The following CPPED1 variants were observed in gnomAD, a reference collection of about 807,000 sequenced individuals.
The protein encoded by CPPED1 is calcineurin like phosphoesterase domain containing 1.
Under a neutral mutation model 28.0 loss-of-function variants are expected in CPPED1, and 28 were observed. That is an observed-to-expected ratio of 1.00 (90% CI 0.74 to 1.37). CPPED1 has a LOEUF of 1.37. Ranked by LOEUF, CPPED1 falls within the 40% of genes most tolerant of loss-of-function variation. The pLI, the probability that CPPED1 is intolerant of heterozygous loss-of-function variation, is 0.00. For missense variants in CPPED1, 504 were observed against 416.5 expected, an observed-to-expected ratio of 1.21 and a Z score of -1.83; for synonymous variants, 198 against 180.2, an observed-to-expected ratio of 1.10 and a Z score of -0.79.
chr16:12,671,797 C>T (rs1032572448), intron 3 of CPPED1, among the ~76,000 whole-genome samples: 5 of 152,116 alleles, frequency 3.3e-5, no homozygotes, highest in Admixed American at 6.5e-5. Context: ...CAATGATGGA[C>T]GCCATATATG....
intron 2 of CPPED1, among the ~76,000 whole-genome samples, chr16:12,751,320 T>C (rs1278851098): frequency 2.0e-5 from 3 of 152,130 alleles, no homozygotes; most frequent in South Asian, 2.1e-4. Flanking sequence ...ACACAAATGA[T>C]AGGAAAGTGA....
At chr16:12,737,173 G>C (rs1201773789) in intron 2 of CPPED1, among the ~76,000 whole-genome samples, 1 of 152,100 alleles carries the variant, frequency 6.6e-6, no homozygotes, top group Non-Finnish European at 1.5e-5. Context: ...CTGGGCGAGA[G>C]AGTGAGACCA....
intron 3 of CPPED1, among the ~76,000 whole-genome samples, chr16:12,676,546 A>ACATTGGCCTT (rs2079878682): frequency 6.6e-6 from 1 of 152,160 alleles, no homozygotes; most frequent in South Asian, 2.1e-4. Context: ...GGATTCACAT[A>ACATTGGCCTT]GCTAAGATGT....
chr16:12,726,038 G>GA (rs1356588695), intron 2 of CPPED1, among the ~76,000 whole-genome samples: 1 of 150,752 alleles, frequency 6.6e-6, no homozygotes. Context: ...CTCTAAAAAA[G>GA]AAAAAATCAT....
rs202024707 is a variant in CPPED1, at chr16:12,781,210, G to A, written c.264C>T (p.Cys88=). 460 of 1,613,428 alleles carry A rather than the reference G, an allele frequency of 2.9e-4. No homozygotes were observed. Among genetic ancestry groups the A allele is most frequent in the Non-Finnish European group, 3.5e-4 (417 of 1,179,698 alleles). The change falls in exon 2 of 4, where the codon TGC becomes TGT. Residue 88 remains cysteine, a synonymous_variant. Coordinates refer to ENST00000381774, the MANE Select transcript of CPPED1 (RefSeq NM_018340.3). The stretch of plus-strand genomic sequence containing the variant: ...CTGGCATGGCGTGGATGAGGTCGCC[G>A]CACAGAACGAAGAATTTGGGTTTGG... The part of the protein sequence containing the change: ...LNPKPKFFVL[C]GDLIHAMPGK...
chr16:12,757,579 G>A (rs1486028710), intron 2 of CPPED1: 6 of 147,240 alleles, frequency 4.1e-5, no homozygotes, highest in African/African-American at 1.3e-4. Flanking sequence ...AGGGAAGACT[G>A]CTAAGTAATG....
chr16:12,741,841 A>C (rs1324478952), intron 2 of CPPED1, among the ~76,000 whole-genome samples: 1 of 152,160 alleles, frequency 6.6e-6, no homozygotes, highest in Non-Finnish European at 1.5e-5. Flanking sequence ...ACTTGAGGTC[A>C]GGAGTTCGAA....
chr16:12,762,831 C>T (rs759013583), intron 2 of CPPED1, among the ~76,000 whole-genome samples: 4 of 152,104 alleles, frequency 2.6e-5, no homozygotes, highest in Non-Finnish European at 5.9e-5. Flanking sequence ...GCAACCTCTG[C>T]CTCCTGGACT....
chr16:12,684,801 G>A (rs143501133), intron 3 of CPPED1, among the ~76,000 whole-genome samples: 6 of 152,290 alleles, frequency 3.9e-5, no homozygotes, highest in African/African-American at 1.2e-4. Context: ...GAGAGCGGCC[G>A]CTCTGTGACT....
At position 12,744,059 on chromosome 16, in the gene CPPED1, G is replaced by A. The variant is rs1018910244; in HGVS notation, c.289+37126C>T. Among the ~76,000 whole-genome samples, 7 of 152,096 alleles carry A rather than the reference G, an allele frequency of 4.6e-5. 1 individual carries two copies. The highest frequency in any genetic ancestry group is 2.1e-4 in the South Asian group (1 of 4,808). Reference sequence around the variant, plus strand: ...TGGGAGGCTGAGGCGGGTGGATCACGAGGTCAGGAGATTGAGACCATCCTG... The same window carrying A: ...TGGGAGGCTGAGGCGGGTGGATCACAAGGTCAGGAGATTGAGACCATCCTG... On this transcript the variant is annotated intron_variant, in intron 2 of 3. Transcript: ENST00000381774.
intron 2 of CPPED1, among the ~76,000 whole-genome samples, chr16:12,775,714 C>A (rs1342795361): frequency 1.3e-5 from 2 of 152,188 alleles, no homozygotes; most frequent in African/African-American, 4.8e-5. Flanking sequence ...TCTGACCAGC[C>A]AGGCTGCAAA....
In CPPED1 at chr16:12,744,002, C is replaced by T. The variant is rs138231618; in HGVS notation, c.289+37183G>A. On this transcript the variant is annotated intron_variant, in intron 2 of 3. Coordinates refer to ENST00000381774, the MANE Select transcript of CPPED1 (RefSeq NM_018340.3). ...AGAAAGAAAGAAAGATGTGGCTGGGCGTGGTGGCTCACACCTGTAATCTCA... is the reference window on the plus strand; with the variant it reads ...AGAAAGAAAGAAAGATGTGGCTGGGTGTGGTGGCTCACACCTGTAATCTCA... Among the ~76,000 whole-genome samples the T allele has an allele frequency of 2.1e-3, 318 of 151,868 alleles. 9 individuals are homozygous for T. The East Asian group carries it at 0.031, about 15-fold the overall frequency.
chr16:12,672,706 C>CAGTA (rs1484849102), intron 3 of CPPED1, among the ~76,000 whole-genome samples: 1 of 152,102 alleles, frequency 6.6e-6, no homozygotes, highest in African/African-American at 2.4e-5. Context: ...TCTCTTATTA[C>CAGTA]AGTAGTGTAA....
intron 3 of CPPED1, among the ~76,000 whole-genome samples, chr16:12,665,394 G>T (rs145311680): frequency 3.1e-4 from 47 of 152,254 alleles, no homozygotes; most frequent in African/African-American, 1.1e-3. Flanking sequence ...GAAAATGAGA[G>T]AAGGAAGATG....
At chr16:12,701,927 C>G (rs574240675) in intron 3 of CPPED1, among the ~76,000 whole-genome samples, 2 of 152,178 alleles carry the variant, frequency 1.3e-5, no homozygotes, top group African/African-American at 4.8e-5. Flanking sequence ...AGGCAGCTAA[C>G]CCCCCTGTTT....
chr16:12,780,255 C>T (rs1365960562), intron 2 of CPPED1, among the ~76,000 whole-genome samples: 2 of 152,140 alleles, frequency 1.3e-5, no homozygotes, highest in Non-Finnish European at 2.9e-5. Flanking sequence ...TCTCAGCTCA[C>T]TGCAACCTCC....
At chr16:12,754,723 GT>G (rs2080353843) in intron 2 of CPPED1, among the ~76,000 whole-genome samples, 1 of 152,358 alleles carries the variant, frequency 6.6e-6, no homozygotes, top group African/African-American at 2.4e-5. Flanking sequence ...GCATAGGCAG[GT>G]GCTGTGGCTC....
intron 2 of CPPED1, among the ~76,000 whole-genome samples, chr16:12,730,796 G>C (rs2080193116): frequency 6.6e-6 from 1 of 152,200 alleles, no homozygotes; most frequent in African/African-American, 2.4e-5. Flanking sequence ...GCACGAGGGA[G>C]CCTTCTGGAG....
chr16:12,722,751 G>C (rs763578479), intron 2 of CPPED1, among the ~76,000 whole-genome samples: 1 of 152,108 alleles, frequency 6.6e-6, no homozygotes, highest in African/African-American at 2.4e-5. Context: ...CTTCCCACCA[G>C]CATAGTTTCC....
Sources: gnomAD v4.1 joint callset for allele counts (sites outside exome capture counted in the v4.1 genomes callset) on GRCh38, gnomAD v4.1.1 for gene constraint, MANE v1.5 for transcripts, NCBI Gene and HGNC (gene_info 2026-07-23, HGNC 2026-07-21) for gene names.